The following GABRA4 variants were observed in gnomAD, a reference collection of about 807,000 sequenced individuals.
GABRA4 encodes gamma-aminobutyric acid type A receptor subunit alpha4.
In GABRA4, 12 loss-of-function variants were observed where a neutral mutation model predicts 49.7. The ratio of observed to expected loss-of-function variants is 0.24; its 90% CI spans 0.15 to 0.39. The LOEUF (loss-of-function observed/expected upper bound fraction) is 0.39, where lower values mean the gene tolerates loss of function less well. Ranked by LOEUF, GABRA4 falls within the 10% of genes least tolerant of loss-of-function variation. The pLI, the probability that GABRA4 is intolerant of heterozygous loss-of-function variation, is 1.00. For missense variants in GABRA4, 506 were observed against 686.0 expected (o/e 0.74, Z 2.93); for synonymous variants, 288 against 240.2 (o/e 1.20, Z -1.84).
intron 8 of GABRA4, among the ~76,000 whole-genome samples, chr4:46,930,240 G>A (rs1275305552): frequency 6.6e-6 from 1 of 151,984 alleles, no homozygotes; most frequent in Non-Finnish European, 1.5e-5. Context: ...TTTGGGTGGA[G>A]AAAATTGAAA....
intron 2 of GABRA4, among the ~76,000 whole-genome samples, chr4:46,992,468 C>T (rs1336089933): frequency 6.6e-6 from 1 of 152,194 alleles, no homozygotes; most frequent in Non-Finnish European, 1.5e-5. Context: ...CCAATGCAAC[C>T]TGCTCTGAGC....
chr4:46,929,624 A>T (rs992373474), intron 8 of GABRA4, among the ~76,000 whole-genome samples: 3 of 152,132 alleles, frequency 2.0e-5, no homozygotes, highest in African/African-American at 7.2e-5. Context: ...AACTATATAC[A>T]TAATTAATTA....
At chr4:46,932,216 A>C (rs74994602) in intron 8 of GABRA4, among the ~76,000 whole-genome samples, 1 of 152,140 alleles carries the variant, frequency 6.6e-6, no homozygotes, top group Non-Finnish European at 1.5e-5. Context: ...TTTGCCCTTC[A>C]TAATCCCACT....
rs993993033 is a variant in GABRA4, at chr4:46,923,363, T to C, written c.*4862A>G. 3.9e-5 allele frequency: 6 copies of C among 152,144 alleles called. No individual in the cohort carries two copies. The highest frequency in any genetic ancestry group is 5.9e-5 in the Non-Finnish European group (4 of 68,024). The allele number at this position is 152,144 out of a possible 1,614,324, so 9.4% of individuals were successfully genotyped here. On this transcript the variant is annotated 3_prime_UTR_variant, in exon 9 of 9. Transcript: ENST00000264318. ...TGAGATAAAAGTCAATTTAATTTTTTATTATTTAATGGCAGCATGTATGTC... is the reference window on the plus strand; with the variant it reads ...TGAGATAAAAGTCAATTTAATTTTTCATTATTTAATGGCAGCATGTATGTC...
At chr4:46,974,114 T>C in intron 6 of GABRA4, 118 bp downstream of exon 6, 6 of 986,444 alleles carry the variant, frequency 6.1e-6, no homozygotes, top group Non-Finnish European at 9.0e-6. Flanking sequence ...ATCAACTCTA[T>C]TTCTGGAAAA....
At position 46,921,293 on chromosome 4, in the gene GABRA4, T is replaced by C. The variant is rs1463109738; in HGVS notation, c.*6932A>G. The C allele has an allele frequency of 1.3e-5, 2 of 151,898 alleles. No individual in the cohort carries two copies. Among genetic ancestry groups the C allele is most frequent in the Non-Finnish European group, 2.9e-5 (2 of 67,898 alleles). The allele number at this position is 151,898 out of a possible 1,614,324, so 9.4% of individuals were successfully genotyped here. On this transcript the variant is annotated 3_prime_UTR_variant, in exon 9 of 9. Coordinates refer to ENST00000264318, the MANE Select transcript of GABRA4 (RefSeq NM_000809.4). ...GTACTTCACTAATCTACTGATGAAT[T>C]GAAGGACAGGAAAATATAAACAGTG...
At chr4:46,988,813 G>C (rs1723634632) in intron 2 of GABRA4, among the ~76,000 whole-genome samples, 1 of 152,170 alleles carries the variant, frequency 6.6e-6, no homozygotes, top group South Asian at 2.1e-4. Flanking sequence ...CTCGGAAGTG[G>C]ATATAGCAAT....
At chr4:46,939,216 T>A (rs551512613) in intron 8 of GABRA4, among the ~76,000 whole-genome samples, 1 of 152,224 alleles carries the variant, frequency 6.6e-6, no homozygotes, top group East Asian at 1.9e-4. Context: ...TTCTTGAAGA[T>A]ATTCTAAATT....
intron 8 of GABRA4, among the ~76,000 whole-genome samples, chr4:46,949,152 A>G (rs1277475992): frequency 1.3e-5 from 2 of 152,250 alleles, no homozygotes; most frequent in Non-Finnish European, 2.9e-5. Flanking sequence ...TAAAACTGTG[A>G]GTAGCTAGGT....
intron 7 of GABRA4, among the ~76,000 whole-genome samples, chr4:46,967,485 C>T (rs540164323): frequency 2.1e-4 from 32 of 151,376 alleles, no homozygotes; most frequent in South Asian, 2.1e-3. Flanking sequence ...AGTTATTGAC[C>T]CATAAATTCA....
At chr4:46,957,937 A>G (rs1722424319) in intron 8 of GABRA4, among the ~76,000 whole-genome samples, 1 of 152,030 alleles carries the variant, frequency 6.6e-6, no homozygotes, top group East Asian at 1.9e-4. Flanking sequence ...CATTCAGAAT[A>G]TTAAGCTATT....
chr4:46,930,658 A>C (rs996250184), intron 8 of GABRA4, among the ~76,000 whole-genome samples: 4 of 151,786 alleles, frequency 2.6e-5, no homozygotes, highest in African/African-American at 9.7e-5. Context: ...ATATAATATG[A>C]TAGTTGCATA....
chr4:46,933,059 A>G (rs768454796), intron 8 of GABRA4, among the ~76,000 whole-genome samples: 38 of 152,172 alleles, frequency 2.5e-4, no homozygotes, highest in Non-Finnish European at 4.4e-4. Flanking sequence ...GGTTAGAAAA[A>G]AGAACAATGA....
chr4:46,990,434 T>C (rs1258193702), intron 2 of GABRA4, among the ~76,000 whole-genome samples: 1 of 152,224 alleles, frequency 6.6e-6, no homozygotes, highest in Non-Finnish European at 1.5e-5. Flanking sequence ...AATGGATCCC[T>C]TCTTCCTTTT....
intron 6 of GABRA4, among the ~76,000 whole-genome samples, chr4:46,973,291 C>T (rs1723015101): frequency 6.6e-6 from 1 of 151,576 alleles, no homozygotes; most frequent in Non-Finnish European, 1.5e-5. Flanking sequence ...GTGTTTAAAC[C>T]ATGATGGTGG....
rs538769770 is a variant in GABRA4, at chr4:46,966,638, A to G, written c.875-1409T>C. ...AGGCACAAGATAAATGCATGGAAATAAAAACTCATTTTTCCAGTTCCTCAC... is the reference window on the plus strand; with the variant it reads ...AGGCACAAGATAAATGCATGGAAATGAAAACTCATTTTTCCAGTTCCTCAC... On this transcript the variant is annotated intron_variant, in intron 7 of 8. Transcript: ENST00000264318. Among the ~76,000 whole-genome samples, 3 of 151,804 alleles carry G rather than the reference A, an allele frequency of 2.0e-5. No homozygotes were observed. In the South Asian group the frequency reaches 6.2e-4, roughly 31 times the overall value.
intron 8 of GABRA4, among the ~76,000 whole-genome samples, chr4:46,950,987 A>C (rs1166088497): frequency 2.6e-5 from 4 of 151,872 alleles, no homozygotes; most frequent in Non-Finnish European, 5.9e-5. Flanking sequence ...AGCAGAGTTG[A>C]GCATGACTCT....
intron 2 of GABRA4, among the ~76,000 whole-genome samples, chr4:46,979,555 A>G (rs1288591781): frequency 2.0e-5 from 3 of 152,100 alleles, no homozygotes; most frequent in Non-Finnish European, 2.9e-5. Flanking sequence ...ACTAGTAAAT[A>G]ATTTTAAAAA....
intron 8 of GABRA4, among the ~76,000 whole-genome samples, chr4:46,941,517 T>A (rs1206196526): frequency 6.6e-6 from 1 of 152,100 alleles, no homozygotes; most frequent in East Asian, 1.9e-4. Flanking sequence ...TTGTTAAATG[T>A]TTTTATTCTA....
Sources: gnomAD v4.1 joint callset for allele counts (sites outside exome capture counted in the v4.1 genomes callset) on GRCh38, gnomAD v4.1.1 for gene constraint, MANE v1.5 for transcripts, NCBI Gene and HGNC (gene_info 2026-07-23, HGNC 2026-07-21) for gene names.